Variants in UNC13C observed in about 807,000 individuals in gnomAD.
UNC13C encodes the protein protein unc-13 homolog C.
UNC13C carries 174 observed loss-of-function variants against 245.4 expected under a neutral mutation model. That is an observed-to-expected ratio of 0.71 (90% CI 0.63 to 0.80). The LOEUF (loss-of-function observed/expected upper bound fraction) is 0.80. UNC13C is among the 30% of genes least tolerant of loss of function. The pLI is 0.00. For synonymous variants in UNC13C, 992 were observed against 895.1 expected, an observed-to-expected ratio of 1.11 and a Z score of -1.93; for missense variants, 2,829 against 2,602.9, an observed-to-expected ratio of 1.09 and a Z score of -1.89.
At chr15:54,306,090 G>C (rs944708201) in intron 13 of UNC13C, among the ~76,000 whole-genome samples, 8 of 152,164 alleles carry the variant, frequency 5.3e-5, no homozygotes, top group Middle Eastern at 3.4e-3. Context: ...AGACAAAAGA[G>C]TCTGAAACTA....
At chr15:54,346,359 A>C (rs140060932) in intron 17 of UNC13C, among the ~76,000 whole-genome samples, 8 of 152,328 alleles carry the variant, frequency 5.3e-5, no homozygotes, top group African/African-American at 4.8e-5. Context: ...TTACAGCTCT[A>C]CTTTTCAGCA....
chr15:54,596,670 T>C (rs1450524758), intron 30 of UNC13C, among the ~76,000 whole-genome samples: 4 of 152,174 alleles, frequency 2.6e-5, no homozygotes, highest in African/African-American at 9.7e-5. Flanking sequence ...TGGGATCTAG[T>C]GGGAGGTGTT....
the UNC13C span, among the ~76,000 whole-genome samples, chr15:53,897,253 T>C: frequency 5.9e-5 from 9 of 152,170 alleles, no homozygotes. Flanking sequence ...TCAAGCTCAT[T>C]GAATAAATGA....
intron 4 of UNC13C, among the ~76,000 whole-genome samples, chr15:54,216,536 T>A (rs1375296992): frequency 6.6e-6 from 1 of 151,898 alleles, no homozygotes; most frequent in Non-Finnish European, 1.5e-5. Context: ...TTCCAGGCAC[T>A]CAGCAGAACA....
intron 25 of UNC13C, among the ~76,000 whole-genome samples, chr15:54,531,447 A>T (rs941974954): frequency 6.6e-6 from 1 of 152,190 alleles, no homozygotes; most frequent in Non-Finnish European, 1.5e-5. Flanking sequence ...TGTTTGTACT[A>T]AAACTATTCA....
intron 30 of UNC13C, among the ~76,000 whole-genome samples, chr15:54,596,858 G>T (rs891820773): frequency 6.6e-6 from 1 of 152,104 alleles, no homozygotes; most frequent in African/African-American, 2.4e-5. Flanking sequence ...AACTCCCAGA[G>T]GTCTCACCAG....
At chr15:54,232,361 A>G (rs867649199) in intron 4 of UNC13C, among the ~76,000 whole-genome samples, 2 of 152,126 alleles carry the variant, frequency 1.3e-5, no homozygotes, top group Admixed American at 6.6e-5. Context: ...TGGGCTTGTT[A>G]TTCTGCAGTG....
At chr15:54,543,812 C>T (rs1896358044) in intron 26 of UNC13C, among the ~76,000 whole-genome samples, 1 of 151,872 alleles carries the variant, frequency 6.6e-6, no homozygotes, top group Non-Finnish European at 1.5e-5. Flanking sequence ...AATAATGTAC[C>T]AACCAAAAAA....
In UNC13C at chr15:54,072,441, A is replaced by G. The variant is rs555716169; in HGVS notation, c.2983+56555A>G. Among the ~76,000 whole-genome samples the G allele has an allele frequency of 4.6e-5, 7 of 152,138 alleles. No homozygotes were observed. The East Asian group carries it at 5.8e-4, about 13-fold the overall frequency. On this transcript the variant is annotated intron_variant, in intron 2 of 32. Coordinates refer to ENST00000260323, the MANE Select transcript of UNC13C (RefSeq NM_001080534.3). Reference sequence around the variant, plus strand: ...CCTGGTAGCTGAGGCTGTCCTTTGCACTCTTTTGCTTCTTCAATGGAGCCA... The same window carrying G: ...CCTGGTAGCTGAGGCTGTCCTTTGCGCTCTTTTGCTTCTTCAATGGAGCCA...
intron 19 of UNC13C, among the ~76,000 whole-genome samples, chr15:54,440,714 G>T (rs1249461701): frequency 6.6e-6 from 1 of 151,980 alleles, no homozygotes; most frequent in African/African-American, 2.4e-5. Context: ...TCTATTTTTA[G>T]ATTTTGGGGA....
intron 2 of UNC13C, among the ~76,000 whole-genome samples, chr15:54,031,287 G>A (rs1595740079): frequency 6.6e-6 from 1 of 152,176 alleles, no homozygotes; most frequent in African/African-American, 2.4e-5. Flanking sequence ...GCAGTGGCAC[G>A]ATCTCAGCTC....
At chr15:54,307,975 A>C (rs1160265879) in intron 13 of UNC13C, among the ~76,000 whole-genome samples, 1 of 151,974 alleles carries the variant, frequency 6.6e-6, no homozygotes, top group African/African-American at 2.4e-5. Context: ...TGTATTTCTA[A>C]CATCAGAAAT....
At chr15:54,039,833 TC>T (rs1896738767) in intron 2 of UNC13C, among the ~76,000 whole-genome samples, 1 of 151,826 alleles carries the variant, frequency 6.6e-6, no homozygotes, top group African/African-American at 2.4e-5. Flanking sequence ...TTCATTTGCT[TC>T]CCTTTCCAGC....
intron 1 of UNC13C, among the ~76,000 whole-genome samples, chr15:53,981,332 A>AT (rs1409881788): frequency 2.0e-5 from 3 of 152,138 alleles, no homozygotes; most frequent in Non-Finnish European, 2.9e-5. Flanking sequence ...CATTAGAATC[A>AT]TTTTGTCACC....
At position 54,623,981 on chromosome 15, in the gene UNC13C, T is replaced by C. The variant is rs368397224; in HGVS notation, c.6359+27T>C. On this transcript the variant is annotated intron_variant, in intron 32 of 32. Transcript: ENST00000260323. ...TAAGTCATAAACCCACCTTACTTATTCTACCAGGCAATAGTTACTGTACAG... is the reference window on the plus strand; with the variant it reads ...TAAGTCATAAACCCACCTTACTTATCCTACCAGGCAATAGTTACTGTACAG... 22 of 1,612,046 alleles carry C rather than the reference T, an allele frequency of 1.4e-5. No individual in the cohort carries two copies. In the African/African-American group the frequency reaches 2.7e-4, roughly 20 times the overall value.
At chr15:54,056,943 A>C (rs912339574) in intron 2 of UNC13C, among the ~76,000 whole-genome samples, 2 of 152,322 alleles carry the variant, frequency 1.3e-5, no homozygotes, top group South Asian at 2.1e-4. Context: ...CCTGCCCTAC[A>C]AGAGCTCCTG....
chr15:54,094,071 C>A (rs1449377593), intron 2 of UNC13C, among the ~76,000 whole-genome samples: 3 of 151,988 alleles, frequency 2.0e-5, no homozygotes, highest in Non-Finnish European at 4.4e-5. Context: ...GGGCTACACT[C>A]ATCAATGACT....
At chr15:54,442,961 A>G (rs929242200) in intron 19 of UNC13C, among the ~76,000 whole-genome samples, 2 of 151,960 alleles carry the variant, frequency 1.3e-5, no homozygotes, top group Non-Finnish European at 2.9e-5. Context: ...TTTCCTCTTA[A>G]TTTTTTGGTA....
chr15:54,415,332 G>C (rs1015334228), intron 19 of UNC13C, among the ~76,000 whole-genome samples: 5 of 152,122 alleles, frequency 3.3e-5, no homozygotes, highest in African/African-American at 1.2e-4. Context: ...TCATATGCAA[G>C]AATACTTTAT....
Sources: allele counts gnomAD v4.1 joint callset (sites outside exome capture counted in the v4.1 genomes callset), GRCh38; gene constraint gnomAD v4.1.1; transcripts MANE v1.5; gene names NCBI Gene and HGNC (gene_info 2026-07-23, HGNC 2026-07-21).